AKAP7: variants seen among roughly 807,000 people sequenced by gnomAD.
The protein encoded by AKAP7 is A-kinase anchoring protein 7.
Under a neutral mutation model 39.5 loss-of-function variants are expected in AKAP7, and 39 were observed. The ratio of observed to expected loss-of-function variants is 0.99; its 90% confidence interval spans 0.76 to 1.29. The LOEUF (loss-of-function observed/expected upper bound fraction) is 1.29. Ranked by LOEUF, AKAP7 falls within the 50% of genes most tolerant of loss-of-function variation. The probability of loss-of-function intolerance (pLI) is 0.00; values close to 1 mark genes in which losing one functional copy is unlikely to be tolerated. For synonymous variants in AKAP7, 140 were observed against 139.1 expected, an observed-to-expected ratio of 1.01 and a Z score of -0.05; for missense variants, 414 against 407.7, an observed-to-expected ratio of 1.02 and a Z score of -0.13.
upstream of AKAP7, among the ~76,000 whole-genome samples, chr6:131,133,755 T>C (rs373044906): frequency 3.3e-5 from 5 of 152,300 alleles, no homozygotes; most frequent in South Asian, 6.2e-4. Context: ...CACATGCACA[T>C]AGATGCTTCA....
Position 131,239,958 on chromosome 6 carries a change from G to A in AKAP7, c.850+20150G>A, listed in dbSNP as rs561836825. ...TGTTCCGTTGCTGGTGAGGAGCTGCGTTCCTTTGGAGGAGGAGAGGCGCTC... is the reference window on the plus strand; with the variant it reads ...TGTTCCGTTGCTGGTGAGGAGCTGCATTCCTTTGGAGGAGGAGAGGCGCTC... On this transcript the variant is annotated intron_variant, in intron 7 of 7. Transcript: ENST00000431975. Among the ~76,000 whole-genome samples, 10 of 152,274 alleles carry A rather than the reference G, an allele frequency of 6.6e-5. No homozygotes were observed. The South Asian group carries it at 1.7e-3, about 25-fold the overall frequency.
At chr6:131,184,898 A>G in intron 5 of AKAP7, 1 of 1,087,956 alleles carries the variant, frequency 9.2e-7, no homozygotes, top group Non-Finnish European at 1.4e-6. Flanking sequence ...TCCAGGTTGG[A>G]AGCATCCAGC....
chr6:131,179,900 A>AAAT (rs1481837663), intron 5 of AKAP7, among the ~76,000 whole-genome samples: 3 of 151,442 alleles, frequency 2.0e-5, no homozygotes, highest in African/African-American at 7.3e-5. Flanking sequence ...AATAAATAAT[A>AAAT]AATAAATAAA....
At chr6:131,227,608 A>G (rs906730476) in intron 7 of AKAP7, among the ~76,000 whole-genome samples, 1 of 152,210 alleles carries the variant, frequency 6.6e-6, no homozygotes, top group Non-Finnish European at 1.5e-5. Flanking sequence ...GGAGGAGGAT[A>G]GGGTTGGGCC....
chr6:131,229,318 A>G (rs1003783653), intron 7 of AKAP7, among the ~76,000 whole-genome samples: 8 of 152,162 alleles, frequency 5.3e-5, no homozygotes, highest in African/African-American at 1.9e-4. Context: ...ACACAGTAGG[A>G]TAATGAACTT....
In AKAP7 at chr6:131,281,716, A is replaced by G. The variant is rs540604847; in HGVS notation, c.1037A>G (p.Asn346Ser). ...ADQNGNDNENNRK is the reference protein window; with the variant it reads ...ADQNGNDNENSRK ...CAGAATGGCAATGACAATGAGAACA[A>G]CAGGAAATGAGCCCGGAACGCAGGC... The change falls in exon 8 of 8, where the codon AAC (asparagine) becomes AGC (serine). Residue 346 changes from asparagine to serine, a missense_variant. Coordinates refer to ENST00000431975, the MANE Select transcript of AKAP7 (RefSeq NM_016377.4). The surrounding 1 kb of genome is among the most constrained non-coding windows in gnomAD (Gnocchi z 4.0). 1.2e-6 allele frequency: 2 copies of G among 1,603,502 alleles called. No individual in the cohort carries two copies. The highest frequency in any genetic ancestry group is 4.5e-5 in the East Asian group (2 of 44,622).
chr6:131,228,365 GA>G (rs1283627419), intron 7 of AKAP7, among the ~76,000 whole-genome samples: 1 of 152,184 alleles, frequency 6.6e-6, no homozygotes, highest in African/African-American at 2.4e-5. Context: ...ACTTAGTGGA[GA>G]GGGGCATTGG....
chr6:131,173,913 C>T (rs978920827), intron 5 of AKAP7, among the ~76,000 whole-genome samples: 2 of 152,144 alleles, frequency 1.3e-5, no homozygotes, highest in African/African-American at 4.8e-5. Context: ...AATATTCTCA[C>T]AAAGGCATTT....
In AKAP7 at chr6:131,219,783, T is replaced by A; in HGVS notation, c.825T>A (p.Tyr275Ter). The change falls in exon 7 of 8, where the codon TAT becomes TAA. Residue 275 changes from tyrosine to a stop codon, truncating the protein, a stop_gained. Coordinates refer to ENST00000431975, the MANE Select transcript of AKAP7 (RefSeq NM_016377.4). LOFTEE classifies it high-confidence loss of function. ...AGAAAAAACAAAGTAATGGTTATTATCACTGTGAATCTTCCATTGTGATTG... is the reference window on the plus strand; with the variant it reads ...AGAAAAAACAAAGTAATGGTTATTAACACTGTGAATCTTCCATTGTGATTG... ...MLKKKQSNGY[Y>*]HCESSIVIGE... 6.3e-7 allele frequency: 1 copy of A among 1,578,426 alleles called. No homozygotes were observed. The highest frequency in any genetic ancestry group is 8.6e-7 in the Non-Finnish European group (1 of 1,164,938).
At chr6:131,265,069 A>G (rs1202440467) in intron 7 of AKAP7, among the ~76,000 whole-genome samples, 1 of 152,170 alleles carries the variant, frequency 6.6e-6, no homozygotes. Flanking sequence ...CATCTAAACC[A>G]TATTAATAGC....
intron 7 of AKAP7, among the ~76,000 whole-genome samples, chr6:131,240,169 C>G (rs1295601536): frequency 6.6e-6 from 1 of 152,212 alleles, no homozygotes; most frequent in Non-Finnish European, 1.5e-5. Flanking sequence ...TGCTGGAGGT[C>G]CACTCCAGAC....
At chr6:131,152,903 T>C (rs1450843201) in intron 2 of AKAP7, among the ~76,000 whole-genome samples, 1 of 133,972 alleles carries the variant, frequency 7.5e-6, no homozygotes. Context: ...CCAGGGCGGG[T>C]GGATCACGAG....
At chr6:131,166,145 G>A (rs1803465731) in intron 4 of AKAP7, among the ~76,000 whole-genome samples, 9 of 152,162 alleles carry the variant, frequency 5.9e-5, no homozygotes, top group Admixed American at 5.2e-4. Flanking sequence ...CATGTCTTTA[G>A]AGGTCAATCT....
intron 7 of AKAP7, among the ~76,000 whole-genome samples, chr6:131,262,445 T>G (rs1448944510): frequency 6.6e-6 from 1 of 152,158 alleles, no homozygotes; most frequent in East Asian, 1.9e-4. Context: ...GGCAATATCT[T>G]TTTTCCCCAT....
At chr6:131,225,018 A>G (rs758282496) in intron 7 of AKAP7, among the ~76,000 whole-genome samples, 3 of 151,906 alleles carry the variant, frequency 2.0e-5, no homozygotes, top group African/African-American at 4.8e-5. Context: ...TGCCTCCCAA[A>G]GTGCAGGGAT....
chr6:131,218,935 G>T (rs1257252757), intron 6 of AKAP7, among the ~76,000 whole-genome samples: 2 of 152,064 alleles, frequency 1.3e-5, no homozygotes, highest in Non-Finnish European at 2.9e-5. Flanking sequence ...ACTTTTTAAA[G>T]ATTTATAGTA....
intron 5 of AKAP7, among the ~76,000 whole-genome samples, chr6:131,180,837 T>C (rs1805141371): frequency 6.8e-6 from 1 of 146,474 alleles, no homozygotes; most frequent in South Asian, 2.2e-4. Context: ...TTGTTTTGTT[T>C]TTTTTTTTTT....
At chr6:131,173,142 A>G (rs947600525) in intron 5 of AKAP7, among the ~76,000 whole-genome samples, 1 of 151,048 alleles carries the variant, frequency 6.6e-6, no homozygotes, top group Non-Finnish European at 1.5e-5. Context: ...CGGAGGTTGC[A>G]GTGAGCCGAG....
chr6:131,272,821 G>C (rs1458407786), intron 7 of AKAP7, among the ~76,000 whole-genome samples: 1 of 152,156 alleles, frequency 6.6e-6, no homozygotes, highest in Non-Finnish European at 1.5e-5. Flanking sequence ...AGTGTATTCT[G>C]TTGTTGGCTG....
Sources: allele counts gnomAD v4.1 joint callset (sites outside exome capture counted in the v4.1 genomes callset), GRCh38; gene constraint gnomAD v4.1.1; non-coding constraint Gnocchi (gnomAD v3.1); transcripts MANE v1.5; gene names NCBI Gene and HGNC (gene_info 2026-07-23, HGNC 2026-07-21).